HEXIM2: variants seen among roughly 807,000 people sequenced by gnomAD.
HEXIM2 encodes the protein HEXIM P-TEFb complex subunit 2, also known as protein HEXIM2.
For synonymous variants in HEXIM2, 159 were observed against 162.7 expected (o/e 0.98, Z 0.17); for missense variants, 413 against 390.8 (o/e 1.06, Z -0.48).
chr17:45,166,114 G>A lies in HEXIM2; in HGVS notation c.67-2901G>A, dbSNP rs190045528. ...GCCCGGCCCGCTGCATCTTCTTTAT[G>A]CCAGAAGGATAGAGAAGGGGAGTCT... On this transcript the variant is annotated intron_variant, in intron 3 of 3. Transcript: ENST00000589230. Among the ~76,000 whole-genome samples, 13 of 150,816 alleles carry A rather than the reference G, an allele frequency of 8.6e-5. No homozygotes were observed. The East Asian group carries it at 2.6e-3, about 30-fold the overall frequency.
chr17:45,163,881 G>T, intron 3 of HEXIM2, among the ~76,000 whole-genome samples: 1 of 151,894 alleles, frequency 6.6e-6, no homozygotes, highest in East Asian at 1.9e-4. Context: ...CAGGCCAGGC[G>T]CAGTGGCTCA....
At position 45,169,314 on chromosome 17, in the gene HEXIM2, G is replaced by C. The variant is rs1567933228; in HGVS notation, c.366G>C (p.Gln122His). Residue 122 changes from glutamine (Q) to histidine (H), a missense_variant, in exon 4 of 4, where the codon CAG becomes CAC. Transcript: ENST00000589230. ...AACAGCGGGATGAGAGGCAGAGCCAGAGGGCCTCCCGGGTCCGCGAAGAGA... is the reference window on the plus strand; with the variant it reads ...AACAGCGGGATGAGAGGCAGAGCCACAGGGCCTCCCGGGTCCGCGAAGAGA... Reference protein sequence around the residue: ...EKQQRDERQSQRASRVREEMF... With the variant: ...EKQQRDERQSHRASRVREEMF... The C allele has an allele frequency of 6.2e-7, 1 of 1,613,898 alleles. No homozygotes were observed. The highest frequency in any genetic ancestry group is 1.7e-5 in the Admixed American group (1 of 60,020).
intron 3 of HEXIM2, among the ~76,000 whole-genome samples, chr17:45,167,616 T>TTTTG (rs142898515): frequency 0.063 from 9,498 of 151,798 alleles, 458 homozygotes; most frequent in East Asian, 0.23. Flanking sequence ...TAAGAGTCTT[T>TTTTG]TTTGTTTGTT....
chr17:45,168,354 G>A (rs1426844750), intron 3 of HEXIM2, among the ~76,000 whole-genome samples: 2 of 151,566 alleles, frequency 1.3e-5, no homozygotes, highest in Non-Finnish European at 2.9e-5. Flanking sequence ...GTGGTGGCAC[G>A]TGCCTGTGAT....
In HEXIM2 at chr17:45,169,426, G is replaced by A. The variant is rs911928287; in HGVS notation, c.478G>A (p.Val160Met). Residue 160 changes from valine to methionine, a missense_variant, in exon 4 of 4, where the codon GTG (valine) becomes ATG (methionine). Val to Met is a conservative substitution (Grantham distance 21). Coordinates refer to ENST00000589230, the MANE Select transcript of HEXIM2 (RefSeq NM_001303441.2). The part of the protein sequence containing the change: ...DRDPEEPNLD[V>M]PHGISHPGSS... ...GGACCCGGAGGAGCCCAACTTGGAT[G>A]TGCCCCATGGGATCTCCCACCCAGG... 17 of 1,613,870 alleles carry A rather than the reference G, an allele frequency of 1.1e-5. No homozygotes were observed. In the Admixed American group the frequency reaches 1.2e-4, roughly 11 times the overall value.
chr17:45,160,261 A>G (rs2042652644), upstream of HEXIM2, among the ~76,000 whole-genome samples: 2 of 152,196 alleles, frequency 1.3e-5, no homozygotes. Context: ...AACGCTATAC[A>G]TATGAAGTAG....
chr17:45,161,791 T>C (rs1424160791), upstream of HEXIM2: 2 of 980,156 alleles, frequency 2.0e-6, no homozygotes, highest in African/African-American at 3.5e-5. Flanking sequence ...GAGTCTCGGG[T>C]GTGGCTGTTG....
chr17:45,168,449 G>C (rs2042927464), intron 3 of HEXIM2, among the ~76,000 whole-genome samples: 2 of 151,872 alleles, frequency 1.3e-5, no homozygotes, highest in African/African-American at 4.8e-5. Context: ...ACTCCAGCCT[G>C]GGTGACAGAG....
At chr17:45,162,465 A>T (rs1354657226) in intron 1 of HEXIM2, 23 bp from the exon 2 acceptor site, 1 of 1,101,056 alleles carries the variant, frequency 9.1e-7, no homozygotes, top group African/African-American at 1.6e-5. Flanking sequence ...CTGGCTGCCA[A>T]CCTGGGCCTC....
At chr17:45,160,297 G>A (rs942586470), upstream of HEXIM2, among the ~76,000 whole-genome samples, 1 of 152,008 alleles carries the variant, frequency 6.6e-6, no homozygotes, top group African/African-American at 2.4e-5. Flanking sequence ...TTTTTTGGTA[G>A]CATTTAGGAT....
chr17:45,160,992 GC>G (rs1337870935), upstream of HEXIM2: 2 of 1,280,568 alleles, frequency 1.6e-6, no homozygotes, highest in African/African-American at 1.5e-5. Context: ...CCAGCTGACT[GC>G]CACGCCGACT....
chr17:45,161,024 C>T (rs2042668716), upstream of HEXIM2: 31 of 1,120,818 alleles, frequency 2.8e-5, 1 homozygote, highest in South Asian at 4.0e-4. Flanking sequence ...CCTGCGACCT[C>T]CGCCCTCCCC....
At chr17:45,170,039 G>A, downstream of HEXIM2, 1 of 415,874 alleles carries the variant, frequency 2.4e-6, no homozygotes. Context: ...GACCAAATGG[G>A]AGTATCTAGG....
Position 45,169,507 on chromosome 17 carries a change from G to A in HEXIM2, c.559G>A (p.Glu187Lys), listed in dbSNP as rs750776421. The A allele has an allele frequency of 1.2e-6, 2 of 1,607,738 alleles. No individual in the cohort carries two copies. The highest frequency in any genetic ancestry group is 2.2e-5 in the South Asian group (2 of 90,312). The change falls in exon 4 of 4, where the codon GAG becomes AAG. Residue 187 changes from glutamate to lysine, a missense_variant. By Grantham distance (56) the Glu-to-Lys change is moderately conservative. Transcript: ENST00000589230. ...DSDGRGRAHG[E>K]FQRKDFSETY... ...TGATGGGCGGGGCCGAGCGCACGGT[G>A]AGTTCCAGCGGAAGGACTTCTCTGA...
chr17:45,166,508 C>T (rs919755561), intron 3 of HEXIM2, among the ~76,000 whole-genome samples: 1 of 152,180 alleles, frequency 6.6e-6, no homozygotes, highest in Non-Finnish European at 1.5e-5. Flanking sequence ...CTGAGCACTG[C>T]CCTTGTGCTG....
upstream of HEXIM2, chr17:45,161,050 T>C: frequency 1.1e-6 from 1 of 937,894 alleles, no homozygotes; most frequent in Non-Finnish European, 1.5e-6. Flanking sequence ...CGCCAGCCTC[T>C]GGAATCTGGC....
chr17:45,166,523 T>C (rs2042847194), intron 3 of HEXIM2, among the ~76,000 whole-genome samples: 1 of 152,182 alleles, frequency 6.6e-6, no homozygotes, highest in Non-Finnish European at 1.5e-5. Flanking sequence ...GTGCTGTGCA[T>C]AGGAATATAG....
At chr17:45,164,164 A>C (rs1349265515) in intron 3 of HEXIM2, among the ~76,000 whole-genome samples, 2 of 149,130 alleles carry the variant, frequency 1.3e-5, no homozygotes, top group Admixed American at 6.7e-5. Context: ...AAAAAAAAAA[A>C]AATGCTGGAA....
chr17:45,162,759 G>C lies in HEXIM2; in HGVS notation c.-35G>C, dbSNP rs777318603. 2 of 1,613,750 alleles carry C rather than the reference G, an allele frequency of 1.2e-6. No individual in the cohort carries two copies. Among genetic ancestry groups the C allele is most frequent in the East Asian group, 2.2e-5 (1 of 44,876 alleles). ...TTGTTGTTCAAAGCAGGTGTCACTA[G>C]TTCCAGGCGTCTGCTGAAAGATTTG... On this transcript the variant is annotated 5_prime_UTR_variant, in exon 3 of 4. Coordinates refer to ENST00000589230, the MANE Select transcript of HEXIM2 (RefSeq NM_001303441.2).
Sources: gnomAD v4.1 joint callset for allele counts (sites outside exome capture counted in the v4.1 genomes callset) on GRCh38, gnomAD v4.1.1 for gene constraint, MANE v1.5 for transcripts, NCBI Gene and HGNC (gene_info 2026-07-23, HGNC 2026-07-21) for gene names.